The following DLC1 variants were observed in gnomAD, a reference collection of about 807,000 sequenced individuals.
DLC1 encodes the protein DLC1 Rho GTPase activating protein.
Under a neutral mutation model 140.3 loss-of-function variants are expected in DLC1, and 54 were observed. That is an observed-to-expected ratio of 0.38 (90% CI 0.31 to 0.48). The LOEUF is 0.48. Ranked by LOEUF, DLC1 falls within the 20% of genes least tolerant of loss-of-function variation. The probability of loss-of-function intolerance (pLI) is 0.96; values close to 1 mark genes in which losing one functional copy is unlikely to be tolerated. For missense variants in DLC1, 2,536 were observed against 1,907.0 expected, an observed-to-expected ratio of 1.33 and a Z score of -6.14; for synonymous variants, 986 against 728.1, an observed-to-expected ratio of 1.35 and a Z score of -5.70.
At chr8:13,518,195 G>A (rs1054222407), upstream of DLC1, among the ~76,000 whole-genome samples, 27 of 150,742 alleles carry the variant, frequency 1.8e-4, no homozygotes, top group Non-Finnish European at 3.0e-4. Context: ...GGCAACCTCC[G>A]CCTCCTAGGT....
At chr8:13,266,952 T>C (rs759244215) in intron 5 of DLC1, among the ~76,000 whole-genome samples, 32 of 152,178 alleles carry the variant, frequency 2.1e-4, no homozygotes, top group Non-Finnish European at 3.8e-4. Context: ...TGTCCAGCCA[T>C]GAGCTGCACA....
chr8:13,377,091 G>A (rs1729163), intron 4 of DLC1, among the ~76,000 whole-genome samples: 101,207 of 151,998 alleles, frequency 0.67, 34,189 homozygotes, highest in East Asian at 0.84. Flanking sequence ...GGAGTAAGTT[G>A]AGAACAGTGT....
chr8:13,581,261 A>C (rs1009798763), intron 1 of DLC1, among the ~76,000 whole-genome samples: 5 of 152,176 alleles, frequency 3.3e-5, no homozygotes, highest in African/African-American at 1.2e-4. Context: ...ATATCAGTGC[A>C]CTTTGAATAA....
chr8:13,257,530 T>C (rs908438754), intron 5 of DLC1, among the ~76,000 whole-genome samples: 18 of 151,444 alleles, frequency 1.2e-4, no homozygotes, highest in Non-Finnish European at 2.1e-4. Context: ...TCTTGACCAA[T>C]ATAATCTATT....
At chr8:13,347,520 C>G (rs956762014) in intron 4 of DLC1, among the ~76,000 whole-genome samples, 1 of 152,076 alleles carries the variant, frequency 6.6e-6, no homozygotes, top group African/African-American at 2.4e-5. Flanking sequence ...CACATACAGC[C>G]CATTCCATAT....
intron 2 of DLC1, among the ~76,000 whole-genome samples, chr8:13,476,938 TTC>T (rs1465655935): frequency 2.6e-5 from 4 of 152,210 alleles, no homozygotes; most frequent in African/African-American, 7.2e-5. Flanking sequence ...GTGAATTTTT[TTC>T]TCTTTTTCTG....
intron 5 of DLC1, among the ~76,000 whole-genome samples, chr8:13,166,677 A>T (rs547751540): frequency 3.3e-5 from 5 of 152,222 alleles, no homozygotes; most frequent in Non-Finnish European, 7.3e-5. Context: ...TGAATAAGTC[A>T]AACTTACCTA....
At chr8:13,353,164 A>T (rs1237732210) in intron 4 of DLC1, among the ~76,000 whole-genome samples, 3 of 152,220 alleles carry the variant, frequency 2.0e-5, no homozygotes, top group African/African-American at 7.2e-5. Context: ...GAGGCAGGTT[A>T]GAGAAGTTAA....
chr8:13,592,813 T>C (rs1384796836), intron 1 of DLC1, among the ~76,000 whole-genome samples: 1 of 152,120 alleles, frequency 6.6e-6, no homozygotes, highest in Non-Finnish European at 1.5e-5. Context: ...TTTTGTTTTG[T>C]GGCTAAGCAA....
In DLC1 at chr8:13,332,994, C is replaced by G. The variant is rs534391452; in HGVS notation, c.1315-27692G>C. ...TCCTCCCTAAAGGCAGAGAAATGGA[C>G]TAAATTACCTCTCTAGAATTGTGGC... On this transcript the variant is annotated intron_variant, in intron 4 of 17. Coordinates refer to ENST00000276297, the MANE Select transcript of DLC1 (RefSeq NM_182643.3). Among the ~76,000 whole-genome samples the G allele has an allele frequency of 2.6e-5, 4 of 152,070 alleles. 1 individual carries two copies. Among genetic ancestry groups the G allele is most frequent in the African/African-American group, 9.6e-5 (4 of 41,476 alleles).
At chr8:13,248,915 C>T (rs1213549345) in intron 5 of DLC1, among the ~76,000 whole-genome samples, 1 of 152,132 alleles carries the variant, frequency 6.6e-6, no homozygotes, top group African/African-American at 2.4e-5. Context: ...CACAGCTTTG[C>T]AGATAGAAAT....
intron 4 of DLC1, among the ~76,000 whole-genome samples, chr8:13,392,089 C>A (rs986602971): frequency 1.3e-5 from 2 of 152,142 alleles, no homozygotes; most frequent in African/African-American, 4.8e-5. Flanking sequence ...CATTCCATTT[C>A]AGTGTACCTG....
At chr8:13,451,347 C>T (rs138939356) in intron 2 of DLC1, among the ~76,000 whole-genome samples, 382 of 152,216 alleles carry the variant, frequency 2.5e-3, no homozygotes, top group African/African-American at 8.2e-3. Context: ...CATTCCCTCA[C>T]GCATCTACCC....
At chr8:13,315,464 G>A (rs1303679922) in intron 4 of DLC1, among the ~76,000 whole-genome samples, 1 of 152,218 alleles carries the variant, frequency 6.6e-6, no homozygotes, top group Non-Finnish European at 1.5e-5. Context: ...GCACCTCTGA[G>A]GTACATGTCT....
At chr8:13,487,440 T>A (rs1394984987) in intron 2 of DLC1, among the ~76,000 whole-genome samples, 1 of 152,186 alleles carries the variant, frequency 6.6e-6, no homozygotes, top group African/African-American at 2.4e-5. Flanking sequence ...AAATTAAGAC[T>A]TAGTACACTG....
chr8:13,529,092 A>G (rs1443653675), intron 1 of DLC1, among the ~76,000 whole-genome samples: 2 of 152,204 alleles, frequency 1.3e-5, no homozygotes, highest in African/African-American at 4.8e-5. Context: ...AAAACATACG[A>G]TGTATAAGCG....
At chr8:13,438,685 ATC>A (rs2116909727) in intron 2 of DLC1, among the ~76,000 whole-genome samples, 1 of 151,990 alleles carries the variant, frequency 6.6e-6, no homozygotes, top group East Asian at 1.9e-4. Flanking sequence ...GCCTCCCCTA[ATC>A]TTCTGATTTT....
At position 13,434,984 on chromosome 8, in the gene DLC1, A is replaced by T. The variant is rs753980453; in HGVS notation, c.1024-33365T>A. Among the ~76,000 whole-genome samples, 110 of 152,170 alleles carry T rather than the reference A, an allele frequency of 7.2e-4. 1 individual carries two copies. The highest frequency in any genetic ancestry group is 1.0e-3 in the Non-Finnish European group (70 of 68,004). On this transcript the variant is annotated intron_variant, in intron 2 of 17. Transcript: ENST00000276297. ...CGTGACCCCCCCCGGCTCACCCTCAAGCCTTATTATTTAAGAAATACATTT... is the reference window on the plus strand; with the variant it reads ...CGTGACCCCCCCCGGCTCACCCTCATGCCTTATTATTTAAGAAATACATTT...
At chr8:13,211,849 T>G (rs1585919511) in intron 5 of DLC1, among the ~76,000 whole-genome samples, 3 of 152,136 alleles carry the variant, frequency 2.0e-5, no homozygotes, top group East Asian at 3.8e-4. Flanking sequence ...GAGTAGAGGC[T>G]TTTTTGGAAA....
Sources: gnomAD v4.1 joint callset for allele counts (sites outside exome capture counted in the v4.1 genomes callset) on GRCh38, gnomAD v4.1.1 for gene constraint, MANE v1.5 for transcripts, NCBI Gene and HGNC (gene_info 2026-07-23, HGNC 2026-07-21) for gene names.